Variants in PITPNM3 observed in about 807,000 individuals in gnomAD.
PITPNM3 encodes membrane-associated phosphatidylinositol transfer protein 3.
A neutral mutation model predicts 102.0 loss-of-function variants in PITPNM3; 26 were observed. The observed-to-expected ratio is 0.25, with a 90% CI of 0.19 to 0.35. The LOEUF (loss-of-function observed/expected upper bound fraction) is 0.35. PITPNM3 is among the 10% of genes least tolerant of loss of function. PITPNM3 has a pLI of 1.00. For synonymous variants in PITPNM3, 578 were observed against 558.6 expected, an observed-to-expected ratio of 1.03 and a Z score of -0.49; for missense variants, 1,083 against 1,346.1, an observed-to-expected ratio of 0.80 and a Z score of 3.06.
intron 2 of PITPNM3, among the ~76,000 whole-genome samples, chr17:6,534,819 G>A (rs557316328): frequency 6.6e-5 from 10 of 152,262 alleles, no homozygotes; most frequent in South Asian, 2.1e-4. Context: ...CGGCGGTTAT[G>A]GGCAGAGGAG....
At chr17:6,460,275 A>C (rs1255781582) in intron 18 of PITPNM3, among the ~76,000 whole-genome samples, 1 of 152,214 alleles carries the variant, frequency 6.6e-6, no homozygotes, top group Non-Finnish European at 1.5e-5. Context: ...TCTACCTGAC[A>C]AATTCATGCT....
Position 6,452,739 on chromosome 17 carries a change from C to G in PITPNM3, c.*2599G>C, listed in dbSNP as rs375892189. 3 of 152,258 alleles carry G rather than the reference C, an allele frequency of 2.0e-5. No homozygotes were observed. Among genetic ancestry groups the G allele is most frequent in the East Asian group, 1.9e-4 (1 of 5,192 alleles). The allele number at this position is 152,258 out of a possible 1,614,324, so 9.4% of individuals were successfully genotyped here. ...GCTCCAGTTGTTGCGTTCACAATAT[C>G]TCACCGTACACCATCAGCATCTTGT... On this transcript the variant is annotated 3_prime_UTR_variant, in exon 20 of 20. Transcript: ENST00000262483.
intron 1 of PITPNM3, among the ~76,000 whole-genome samples, chr17:6,550,093 C>T (rs1012632758): frequency 1.3e-5 from 2 of 152,242 alleles, no homozygotes; most frequent in Admixed American, 1.3e-4. Context: ...AAACTCTTCC[C>T]TTTCACTTTT....
intron 4 of PITPNM3, among the ~76,000 whole-genome samples, chr17:6,499,620 G>C (rs71370447): frequency 0.24 from 37,021 of 152,108 alleles, 4,639 homozygotes; most frequent in South Asian, 0.31. Flanking sequence ...TTTCTATCCA[G>C]CCTGTGCGGA....
At chr17:6,548,521 CA>C (rs762286782) in intron 1 of PITPNM3, among the ~76,000 whole-genome samples, 9 of 152,076 alleles carry the variant, frequency 5.9e-5, no homozygotes, top group Non-Finnish European at 1.3e-4. Flanking sequence ...AGAAGGAACC[CA>C]CAGGGGCGAC....
intron 1 of PITPNM3, among the ~76,000 whole-genome samples, chr17:6,540,298 G>A (rs1431419640): frequency 1.3e-5 from 2 of 152,242 alleles, no homozygotes; most frequent in African/African-American, 4.8e-5. Context: ...TGCAGGCGGG[G>A]AAGGAAAAGC....
intron 9 of PITPNM3, 149 bp downstream of exon 9, chr17:6,476,880 T>C (rs542131806): frequency 9.5e-6 from 9 of 950,324 alleles, no homozygotes; most frequent in Admixed American, 9.4e-5. Context: ...GGTCCCTCAG[T>C]ACAGGGCCGA....
chr17:6,473,976 CAAAA>C (rs56728914), intron 10 of PITPNM3, among the ~76,000 whole-genome samples: 24 of 96,064 alleles, frequency 2.5e-4, no homozygotes, highest in South Asian at 3.9e-4. Context: ...GACTCCATCT[CAAAA>C]AAAAAAAAAA....
chr17:6,464,360 G>A (rs780389558), intron 15 of PITPNM3, 42 bp from the exon 16 acceptor site: 1 of 1,606,658 alleles, frequency 6.2e-7, no homozygotes, highest in South Asian at 1.1e-5. Context: ...GAAGGCTGAG[G>A]GGCTACAGGC....
At position 6,455,626 on chromosome 17, in the gene PITPNM3, G is replaced by A. The variant is rs766116886; in HGVS notation, c.2637C>T (p.Tyr879=). ...QTQCQFLSEG[Y]AAHLAALEAS... ...CCTCCAGCGCGGCCAGGTGTGCGGC[G>A]TAGCCCTCGCTCAGGAACTGCGGAG... Residue 879 remains tyrosine (Y), a synonymous_variant, in exon 20 of 20, where the codon TAC becomes TAT. Coordinates refer to ENST00000262483, the MANE Select transcript of PITPNM3 (RefSeq NM_031220.4). The A allele has an allele frequency of 3.3e-5, 52 of 1,575,910 alleles. No homozygotes were observed. The highest frequency in any genetic ancestry group is 4.6e-5 in the East Asian group (2 of 43,798).
In PITPNM3 at chr17:6,455,349, A is replaced by G. The variant is rs770849477; in HGVS notation, c.2914T>C (p.Ser972Pro). The G allele has an allele frequency of 1.2e-5, 19 of 1,578,802 alleles. No individual in the cohort carries two copies. The highest frequency in any genetic ancestry group is 1.5e-5 in the Non-Finnish European group (18 of 1,164,474). ...GCACAGCCCACCCCTCAGGGCACCG[A>G]CTCGAACTTGGGGGGCCCACGCGCC... ...SWARGPPKFE[S>P]VP The change falls in exon 20 of 20, where the codon TCG (serine) becomes CCG (proline). Residue 972 changes from serine (S) to proline (P), a missense_variant. Ser to Pro is a moderately conservative substitution (Grantham distance 74). Around this residue, in one of 5 missense-constraint regions of PITPNM3, gnomAD observed 208 missense variants for 178.2 expected, o/e 1.17. Transcript: ENST00000262483.
intron 1 of PITPNM3, among the ~76,000 whole-genome samples, chr17:6,547,447 C>T (rs534411836): frequency 9.9e-5 from 15 of 152,180 alleles, no homozygotes; most frequent in Admixed American, 6.5e-4. Flanking sequence ...AGCTGTCCCC[C>T]CTATGTCCCG....
Position 6,457,827 on chromosome 17 carries a change from C to T in PITPNM3, c.2491-105G>A. ...CCCCTGCTTGGGGACCCTTTATGTG[C>T]ACTCTGGTAGACTCCAAGCCATGGG... On this transcript the variant is annotated intron_variant, in intron 18 of 19. Coordinates refer to ENST00000262483, the MANE Select transcript of PITPNM3 (RefSeq NM_031220.4). The surrounding 1 kb of genome is among the most constrained non-coding windows in gnomAD (Gnocchi z 4.7). The T allele has an allele frequency of 3.4e-6, 5 of 1,463,162 alleles. No homozygotes were observed. Among genetic ancestry groups the T allele is most frequent in the Non-Finnish European group, 4.6e-6 (5 of 1,079,880 alleles). The allele number at this position is 1,463,162 out of a possible 1,614,324, so 90.6% of individuals were successfully genotyped here.
intron 2 of PITPNM3, among the ~76,000 whole-genome samples, chr17:6,529,598 A>G (rs1254591772): frequency 1.3e-5 from 2 of 152,032 alleles, no homozygotes; most frequent in Non-Finnish European, 2.9e-5. Flanking sequence ...ATCTCAAAAA[A>G]AAAAAAAAAT....
intron 3 of PITPNM3, among the ~76,000 whole-genome samples, chr17:6,524,353 G>A (rs1282406678): frequency 1.3e-5 from 2 of 152,150 alleles, no homozygotes; most frequent in Non-Finnish European, 2.9e-5. Flanking sequence ...GGGAAGGAGG[G>A]ATGGAAGAAA....
rs943964738 is a variant in PITPNM3 at position 6,555,197 on chromosome 17, C to T, written c.22+1188G>A. Among the ~76,000 whole-genome samples the T allele has an allele frequency of 8.7e-4, 132 of 152,328 alleles. 1 individual carries two copies. Among genetic ancestry groups the T allele is most frequent in the African/African-American group, 3.0e-3 (124 of 41,574 alleles). Reference sequence around the variant, plus strand: ...TTAGCTGTGTTCCATACTGGCTGTGCCTCACACAACCGGCCCCACCCCGAC... The same window carrying T: ...TTAGCTGTGTTCCATACTGGCTGTGTCTCACACAACCGGCCCCACCCCGAC... On this transcript the variant is annotated intron_variant, in intron 1 of 19. Transcript: ENST00000262483.
rs567967614 is a variant in PITPNM3 at position 6,469,987 on chromosome 17, T to C, written c.1773+273A>G. ...GGAACTGACTACTCCAGTCTCCAAG[T>C]TGAAACACTGGGACACTCTCCTGCG... is the stretch of plus-strand genomic sequence containing the variant. On this transcript the variant is annotated intron_variant, in intron 13 of 19. Transcript: ENST00000262483. The surrounding 1 kb of genome is among the most constrained non-coding windows in gnomAD (Gnocchi z 4.0). Among the ~76,000 whole-genome samples the C allele has an allele frequency of 6.6e-6, 1 of 152,310 alleles. No homozygotes were observed. The highest frequency in any genetic ancestry group is 6.5e-5 in the Admixed American group (1 of 15,300).
intron 4 of PITPNM3, among the ~76,000 whole-genome samples, chr17:6,491,686 C>A (rs1906494522): frequency 6.6e-6 from 1 of 151,842 alleles, no homozygotes; most frequent in South Asian, 2.1e-4. Context: ...CAGCTCCTAG[C>A]ATTGCAGAAA....
intron 6 of PITPNM3, chr17:6,479,779 A>T (rs1359330566): frequency 6.6e-6 from 1 of 152,286 alleles, no homozygotes; most frequent in African/African-American, 2.4e-5. Flanking sequence ...AATTAGAGGA[A>T]GCAGGCCTCG....
Sources: allele counts gnomAD v4.1 joint callset (sites outside exome capture counted in the v4.1 genomes callset), GRCh38; gene constraint gnomAD v4.1.1; regional missense constraint gnomAD v4.1.1; non-coding constraint Gnocchi (gnomAD v3.1); transcripts MANE v1.5; gene names NCBI Gene and HGNC (gene_info 2026-07-23, HGNC 2026-07-21).